Variants in FARP1 observed in about 807,000 individuals in gnomAD.
The protein encoded by FARP1 is FERM, ARH/RhoGEF and pleckstrin domain protein 1.
A neutral mutation model predicts 128.8 loss-of-function variants in FARP1; 52 were observed. That is an observed-to-expected ratio of 0.40 (90% confidence interval 0.32 to 0.51). The LOEUF (loss-of-function observed/expected upper bound fraction) is 0.51, where lower values mean the gene tolerates loss of function less well. FARP1 is among the 20% of genes least tolerant of loss of function. The probability of loss-of-function intolerance (pLI) is 0.45; values close to 1 mark genes in which losing one functional copy is unlikely to be tolerated. For synonymous variants in FARP1, 580 were observed against 551.8 expected (o/e 1.05, Z -0.72); for missense variants, 1,333 against 1,367.9 (o/e 0.97, Z 0.40).
chr13:98,230,387 A>G (rs1334072342), intron 2 of FARP1, among the ~76,000 whole-genome samples: 1 of 152,196 alleles, frequency 6.6e-6, no homozygotes, highest in African/African-American at 2.4e-5. Context: ...TAAATGGTTA[A>G]AGAAATAAAA....
intron 2 of FARP1, among the ~76,000 whole-genome samples, chr13:98,296,962 G>C (rs1885723932): frequency 6.6e-6 from 1 of 152,142 alleles, no homozygotes; most frequent in Non-Finnish European, 1.5e-5. Context: ...GGATTACACG[G>C]CCCTAAATGA....
chr13:98,194,829 A>G (rs1233274114), intron 1 of FARP1, among the ~76,000 whole-genome samples: 1 of 152,226 alleles, frequency 6.6e-6, no homozygotes, highest in Non-Finnish European at 1.5e-5. Context: ...CTAATTTTAA[A>G]GTGTTCCTAG....
At chr13:98,182,690 C>T (rs1352862850) in intron 1 of FARP1, among the ~76,000 whole-genome samples, 1 of 152,212 alleles carries the variant, frequency 6.6e-6, no homozygotes, top group Non-Finnish European at 1.5e-5. Flanking sequence ...GGTCTTAACA[C>T]TTAAGGATAG....
rs1337255558 is a variant in FARP1, at chr13:98,298,602, C to T, written c.172-45160C>T. Among the ~76,000 whole-genome samples the T allele has an allele frequency of 2.0e-5, 3 of 152,062 alleles. No homozygotes were observed. The South Asian group carries it at 6.2e-4, about 32-fold the overall frequency. On this transcript the variant is annotated intron_variant, in intron 2 of 26. Transcript: ENST00000319562. ...AGCTGTTCCCAGGAATGGAGTGAAA[C>T]CCTTGTTTTGTTTTTGTCTCTGTGT... is the stretch of plus-strand genomic sequence containing the variant.
intron 1 of FARP1, among the ~76,000 whole-genome samples, chr13:98,149,248 C>T (rs1875796395): frequency 6.6e-6 from 1 of 152,102 alleles, no homozygotes; most frequent in Non-Finnish European, 1.5e-5. Flanking sequence ...TCTTCTGTTC[C>T]TCTTCCCTGC....
intron 2 of FARP1, among the ~76,000 whole-genome samples, chr13:98,307,391 C>T (rs753182932): frequency 3.6e-4 from 55 of 152,206 alleles, no homozygotes; most frequent in Non-Finnish European, 5.9e-4. Context: ...CCTCCTGAAA[C>T]GCGTCCCTTG....
At chr13:98,388,281 G>A (rs745934718) in intron 8 of FARP1, 102 bp from the exon 9 acceptor site, 26 of 795,388 alleles carry the variant, frequency 3.3e-5, no homozygotes, top group African/African-American at 1.2e-4. Flanking sequence ...CTGAGCAGTC[G>A]CCTGCCAGCC....
Position 98,151,658 on chromosome 13 carries a change from A to ATTTTTTTTTTTTTT in FARP1, c.-24+8167_-24+8168insTTTTTTTTTTTTTT, listed in dbSNP as rs1197060435. 2.2e-3 allele frequency among the ~76,000 whole-genome samples: 54 copies of ATTTTTTTTTTTTTT among 24,136 alleles called. 1 individual carries two copies. The highest frequency in any genetic ancestry group is 0.016 in the South Asian group (3 of 190). The allele number at this position is 24,136 out of a possible 152,430, so 15.8% of individuals were successfully genotyped here. On this transcript the variant is annotated intron_variant, in intron 1 of 26. Coordinates refer to ENST00000319562, the MANE Select transcript of FARP1 (RefSeq NM_005766.4). ...ACAAACCTGCCCTTATATATCTTCC[A>ATTTTTTTTTTTTTT]TCTTTTTTTTTTTTTTTTTTTGAGA... is the stretch of plus-strand genomic sequence containing the variant.
intron 11 of FARP1, among the ~76,000 whole-genome samples, chr13:98,393,177 AC>A (rs1170705613): frequency 2.0e-5 from 3 of 152,204 alleles, no homozygotes; most frequent in Non-Finnish European, 4.4e-5. Context: ...CTCTGAACTT[AC>A]CGCTTTGATA....
intron 24 of FARP1, among the ~76,000 whole-genome samples, chr13:98,444,270 A>G (rs1288340932): frequency 1.3e-5 from 2 of 152,156 alleles, no homozygotes; most frequent in Non-Finnish European, 2.9e-5. Flanking sequence ...TCGCATCTGC[A>G]GAGACCCTGT....
chr13:98,438,168 G>T (rs772595239), intron 19 of FARP1, among the ~76,000 whole-genome samples: 2 of 152,012 alleles, frequency 1.3e-5, no homozygotes, highest in African/African-American at 4.8e-5. Context: ...GTACAGCCCC[G>T]GGGAGGATGT....
intron 2 of FARP1, among the ~76,000 whole-genome samples, chr13:98,277,186 T>C (rs1884703942): frequency 6.8e-6 from 1 of 146,198 alleles, no homozygotes; most frequent in African/African-American, 2.5e-5. Context: ...AGTGGCTCTG[T>C]CACCCAGGCT....
At chr13:98,423,206 C>G (rs1022235212) in intron 16 of FARP1, among the ~76,000 whole-genome samples, 2 of 152,214 alleles carry the variant, frequency 1.3e-5, no homozygotes, top group Non-Finnish European at 2.9e-5. Context: ...TCCCACTCAA[C>G]TGACTCAAAT....
Position 98,365,453 on chromosome 13 carries a change from A to G in FARP1, c.319+16A>G. Reference sequence around the variant, plus strand: ...CAGATTAGAAGTGAGTATATACCATATGTTTAATAGTGATGTGAAATCTGA... The same window carrying G: ...CAGATTAGAAGTGAGTATATACCATGTGTTTAATAGTGATGTGAAATCTGA... On this transcript the variant is annotated intron_variant, in intron 4 of 26. Coordinates refer to ENST00000319562, the MANE Select transcript of FARP1 (RefSeq NM_005766.4). The G allele has an allele frequency of 6.4e-7, 1 of 1,570,396 alleles. No homozygotes were observed. The highest frequency in any genetic ancestry group is 1.1e-5 in the South Asian group (1 of 89,638).
Position 98,229,050 on chromosome 13 carries a change from C to T in FARP1, c.171+15637C>T, listed in dbSNP as rs552183762. Among the ~76,000 whole-genome samples, 10 of 152,324 alleles carry T rather than the reference C, an allele frequency of 6.6e-5. No individual in the cohort carries two copies. The South Asian group carries it at 2.1e-3, about 32-fold the overall frequency. On this transcript the variant is annotated intron_variant, in intron 2 of 26. Coordinates refer to ENST00000319562, the MANE Select transcript of FARP1 (RefSeq NM_005766.4). Reference sequence around the variant, plus strand: ...AAGCAAGCCAAGTAGCATCTCCCTGCTGCTCTAGACATGCAGATCCTGCAA... The same window carrying T: ...AAGCAAGCCAAGTAGCATCTCCCTGTTGCTCTAGACATGCAGATCCTGCAA...
intron 2 of FARP1, among the ~76,000 whole-genome samples, chr13:98,294,145 C>T (rs1311053057): frequency 1.3e-5 from 2 of 152,208 alleles, no homozygotes; most frequent in Non-Finnish European, 2.9e-5. Flanking sequence ...ATTTTGGCCC[C>T]ACTGTGGCTT....
intron 1 of FARP1, among the ~76,000 whole-genome samples, chr13:98,171,581 G>A (rs530492905): frequency 6.6e-6 from 1 of 152,248 alleles, no homozygotes; most frequent in African/African-American, 2.4e-5. Context: ...GTTGATACAG[G>A]CATGTGGTTA....
At chr13:98,279,924 C>T (rs1227723820) in intron 2 of FARP1, among the ~76,000 whole-genome samples, 1 of 152,126 alleles carries the variant, frequency 6.6e-6, no homozygotes, top group Non-Finnish European at 1.5e-5. Context: ...CCCCCACGTT[C>T]TCCGCTGTCT....
chr13:98,274,360 G>A (rs1336874500), intron 2 of FARP1, among the ~76,000 whole-genome samples: 1 of 152,170 alleles, frequency 6.6e-6, no homozygotes, highest in Non-Finnish European at 1.5e-5. Flanking sequence ...TGTCTGAAAT[G>A]CTGAGTTTCA....
Sources: gnomAD v4.1 joint callset for allele counts (sites outside exome capture counted in the v4.1 genomes callset) on GRCh38, gnomAD v4.1.1 for gene constraint, MANE v1.5 for transcripts, NCBI Gene and HGNC (gene_info 2026-07-23, HGNC 2026-07-21) for gene names.